The following BCAS4 variants were observed in gnomAD, a reference collection of about 807,000 sequenced individuals.
BCAS4 encodes the protein breast carcinoma-amplified sequence 4.
BCAS4 carries 9 observed loss-of-function variants against 15.7 expected under a neutral mutation model. That is an observed-to-expected ratio of 0.57 (90% CI 0.34 to 1.00). The LOEUF is 1.00. Among genes scored for constraint, BCAS4 ranks in the 50% least tolerant of loss-of-function variants. BCAS4 has a pLI of 0.02. For missense variants in BCAS4, 225 were observed against 239.1 expected, an observed-to-expected ratio of 0.94 and a Z score of 0.39; for synonymous variants, 101 against 99.5, an observed-to-expected ratio of 1.02 and a Z score of -0.09.
intron 2 of BCAS4, among the ~76,000 whole-genome samples, chr20:50,819,791 T>C (rs2088191131): frequency 8.4e-6 from 1 of 118,448 alleles, no homozygotes; most frequent in South Asian, 2.6e-4. Context: ...TGTCTTTGTC[T>C]TTCTGTCTTT....
At chr20:50,836,149 C>G (rs2088406850) in intron 3 of BCAS4, among the ~76,000 whole-genome samples, 1 of 152,178 alleles carries the variant, frequency 6.6e-6, no homozygotes, top group Admixed American at 6.5e-5. Context: ...AACTCCTGAC[C>G]TCGTGATCTG....
chr20:50,840,781 G>A (rs2088469722), intron 3 of BCAS4: 29 of 1,504,144 alleles, frequency 1.9e-5, no homozygotes, highest in African/African-American at 2.8e-5. Context: ...CGAGGCACGC[G>A]AGAACGAGCG....
At chr20:50,842,506 C>T (rs947268229) in intron 4 of BCAS4, among the ~76,000 whole-genome samples, 8 of 151,642 alleles carry the variant, frequency 5.3e-5, no homozygotes, top group Non-Finnish European at 8.8e-5. Context: ...AACCTTTGGC[C>T]TCCTGGGTTC....
intron 4 of BCAS4, among the ~76,000 whole-genome samples, chr20:50,854,360 T>C (rs143365684): frequency 1.3e-5 from 2 of 152,162 alleles, no homozygotes; most frequent in Non-Finnish European, 2.9e-5. Context: ...AGTATTCTGA[T>C]GTGGGCGCTG....
chr20:50,801,415 G>A (rs2087925226), intron 1 of BCAS4, among the ~76,000 whole-genome samples: 1 of 152,112 alleles, frequency 6.6e-6, no homozygotes, highest in South Asian at 2.1e-4. Flanking sequence ...TGACAAGAGT[G>A]AGACTCTGTC....
In BCAS4 at chr20:50,855,595, G is replaced by T. The variant is rs1000147387; in HGVS notation, c.399+13695G>T. On this transcript the variant is annotated intron_variant, in intron 4 of 4. Transcript: ENST00000371608. ...TCAGACTGGAAGGGGAAGGGGAAGGGTGTGGGCCGGCAGGGCTAGGACAGG... is the reference window on the plus strand; with the variant it reads ...TCAGACTGGAAGGGGAAGGGGAAGGTTGTGGGCCGGCAGGGCTAGGACAGG... Among the ~76,000 whole-genome samples the T allele has an allele frequency of 5.3e-5, 8 of 152,208 alleles. No homozygotes were observed. In the East Asian group the frequency reaches 1.6e-3, roughly 30 times the overall value.
At position 50,858,758 on chromosome 20, in the gene BCAS4, C is replaced by T. The variant is rs115628191; in HGVS notation, c.399+16858C>T. ...TTTTTTTTTTTTGGTGAGACAGTCA[C>T]TCTTTCGCCCAGGCTGGAATGCAGT... On this transcript the variant is annotated intron_variant, in intron 4 of 4. Transcript: ENST00000371608. Among the ~76,000 whole-genome samples the T allele has an allele frequency of 9.0e-3, 1,153 of 127,712 alleles. 14 individuals are homozygous for T. Among genetic ancestry groups the T allele is most frequent in the African/African-American group, 0.034 (1,098 of 32,454 alleles). 83.8% of individuals were successfully genotyped at this position (127,712 alleles called of 152,430 possible).
chr20:50,802,923 T>C (rs980804078), intron 1 of BCAS4, among the ~76,000 whole-genome samples: 3 of 151,754 alleles, frequency 2.0e-5, no homozygotes, highest in African/African-American at 7.3e-5. Flanking sequence ...GGCTCATGCC[T>C]GTAATCCCAA....
chr20:50,797,815 G>A (rs112860974), intron 1 of BCAS4, among the ~76,000 whole-genome samples: 9,745 of 152,000 alleles, frequency 0.064, 401 homozygotes, highest in Non-Finnish European at 0.086. Flanking sequence ...ACAGGCATGC[G>A]CCACCACGCC....
At chr20:50,844,616 C>T (rs2088520748) in intron 4 of BCAS4, among the ~76,000 whole-genome samples, 1 of 152,132 alleles carries the variant, frequency 6.6e-6, no homozygotes, top group South Asian at 2.1e-4. Flanking sequence ...CTAGTGTTCC[C>T]ATTTACAGAG....
chr20:50,854,344 T>C (rs1406748904), intron 4 of BCAS4, among the ~76,000 whole-genome samples: 1 of 152,112 alleles, frequency 6.6e-6, no homozygotes, highest in Non-Finnish European at 1.5e-5. Flanking sequence ...GCAGCTTCTA[T>C]GTAGCAGTAT....
Position 50,817,468 on chromosome 20 carries a change from T to C in BCAS4, c.91-743T>C, listed in dbSNP as rs141498078. 1.6e-4 allele frequency among the ~76,000 whole-genome samples: 25 copies of C among 152,196 alleles called. No individual in the cohort carries two copies. The East Asian group carries it at 4.5e-3, about 27-fold the overall frequency. ...TTCCAGGCCTTTCTCTGTGAAGACA[T>C]GTACTTTTTTTTGAGACGGAGTCTC... is the stretch of plus-strand genomic sequence containing the variant. On this transcript the variant is annotated intron_variant, in intron 1 of 4. Transcript: ENST00000371608.
At chr20:50,872,347 G>A (rs1979692060) in intron 4 of BCAS4, among the ~76,000 whole-genome samples, 1 of 150,162 alleles carries the variant, frequency 6.7e-6, no homozygotes, top group Admixed American at 6.7e-5. Context: ...GAGGTGGGTG[G>A]ATCACGAGGT....
intron 4 of BCAS4, among the ~76,000 whole-genome samples, chr20:50,862,711 T>C (rs1308761250): frequency 2.6e-5 from 4 of 152,084 alleles, no homozygotes; most frequent in Non-Finnish European, 5.9e-5. Flanking sequence ...ACTTGGGCTG[T>C]GCTTCTCTGT....
chr20:50,821,139 C>A (rs1600859898), intron 2 of BCAS4, among the ~76,000 whole-genome samples: 1 of 152,194 alleles, frequency 6.6e-6, no homozygotes, highest in African/African-American at 2.4e-5. Context: ...GACTCCACAG[C>A]CGCCACGTGC....
chr20:50,853,845 C>A lies in BCAS4; in HGVS notation c.399+11945C>A, dbSNP rs78393406. On this transcript the variant is annotated intron_variant, in intron 4 of 4. Transcript: ENST00000371608. Reference sequence around the variant, plus strand: ...TTTGTGTACTGGGGGGTGTTTTGTGCACTGTAGATGTTTTGTATACTCGGG... The same window carrying A: ...TTTGTGTACTGGGGGGTGTTTTGTGAACTGTAGATGTTTTGTATACTCGGG... Among the ~76,000 whole-genome samples, 4 of 102,294 alleles carry A rather than the reference C, an allele frequency of 3.9e-5. 1 individual carries two copies. In the South Asian group the frequency reaches 1.3e-3, roughly 33 times the overall value. 67.1% of individuals were successfully genotyped at this position (102,294 alleles called of 152,430 possible).
chr20:50,804,286 G>T (rs1246627145), intron 1 of BCAS4, among the ~76,000 whole-genome samples: 1 of 152,128 alleles, frequency 6.6e-6, no homozygotes, highest in South Asian at 2.1e-4. Context: ...TGATCTGCCC[G>T]CCTGGGCCTC....
intron 3 of BCAS4, among the ~76,000 whole-genome samples, chr20:50,837,482 C>T (rs1426444914): frequency 6.6e-6 from 1 of 152,166 alleles, no homozygotes; most frequent in Admixed American, 6.5e-5. Flanking sequence ...AACAATGAGG[C>T]TTTCCTTCCC....
intron 1 of BCAS4, among the ~76,000 whole-genome samples, chr20:50,811,748 G>A (rs1055624105): frequency 2.0e-5 from 3 of 152,050 alleles, no homozygotes; most frequent in African/African-American, 4.8e-5. Context: ...TCAGCCTCCC[G>A]AGTAGTTGGG....
Sources: allele counts gnomAD v4.1 joint callset (sites outside exome capture counted in the v4.1 genomes callset), GRCh38; gene constraint gnomAD v4.1.1; transcripts MANE v1.5; gene names NCBI Gene and HGNC (gene_info 2026-07-23, HGNC 2026-07-21).